Variants in ADARB1 observed in about 807,000 individuals in gnomAD.
The protein encoded by ADARB1 is double-stranded RNA-specific editase 1.
Under a neutral mutation model 52.4 loss-of-function variants are expected in ADARB1, and 10 were observed. The ratio of observed to expected loss-of-function variants is 0.19; its 90% confidence interval spans 0.12 to 0.32. The LOEUF is 0.32. Among genes scored for constraint, ADARB1 ranks in the 10% least tolerant of loss-of-function variants. ADARB1 has a pLI of 1.00. For missense variants in ADARB1, 643 were observed against 922.3 expected (o/e 0.70, Z 3.92); for synonymous variants, 349 against 371.1 (o/e 0.94, Z 0.68).
rs78188190 is a variant in ADARB1, at chr21:45,200,042, G to C, written c.1566-4513G>C. On this transcript the variant is annotated intron_variant, in intron 8 of 10. Coordinates refer to ENST00000348831, the MANE Select transcript of ADARB1 (RefSeq NM_001112.4). This position sits in a 1 kb window ranked among gnomAD's most constrained non-coding sequence, Gnocchi z 5.0. Reference sequence around the variant, plus strand: ...TAGCAAATGGCCAGAAAAGTTGCCCGGAAAGAGCCCTGGTGGCCAAAATGA... The same window carrying C: ...TAGCAAATGGCCAGAAAAGTTGCCCCGAAAGAGCCCTGGTGGCCAAAATGA... Among the ~76,000 whole-genome samples the C allele has an allele frequency of 5.1e-3, 782 of 152,334 alleles. 4 individuals carry two copies. The highest frequency in any genetic ancestry group is 7.9e-3 in the Non-Finnish European group (538 of 68,024).
intron 1 of ADARB1, among the ~76,000 whole-genome samples, chr21:45,098,950 A>G: frequency 6.6e-6 from 1 of 152,188 alleles, no homozygotes; most frequent in East Asian, 1.9e-4. Flanking sequence ...TTCTAGGTTT[A>G]TAAGGCCAGA....
Position 45,121,278 on chromosome 21 carries a change from GTTC to G in ADARB1, c.-219-7119_-219-7117del, listed in dbSNP as rs34845167. 3.1e-3 allele frequency among the ~76,000 whole-genome samples: 473 copies of G among 152,304 alleles called. 3 individuals are homozygous for G. Among genetic ancestry groups the G allele is most frequent in the Middle Eastern group, 0.014 (4 of 294 alleles). ...CATATTCTTTCTCTACAAGAGCACAGTTCTTCTGGAATGTGTCCCTTAGGATTA... is the reference window on the plus strand; with the variant it reads ...CATATTCTTTCTCTACAAGAGCACAGTTCTGGAATGTGTCCCTTAGGATTA... On this transcript the variant is annotated intron_variant, in intron 1 of 10. Coordinates refer to ENST00000348831, the MANE Select transcript of ADARB1 (RefSeq NM_001112.4).
intron 9 of ADARB1, among the ~76,000 whole-genome samples, chr21:45,216,783 T>C (rs1026259292): frequency 2.0e-4 from 30 of 151,944 alleles, no homozygotes; most frequent in Non-Finnish European, 1.0e-4. Context: ...GGTCTATCAG[T>C]TATTGAGAGG....
At position 45,152,617 on chromosome 21, in the gene ADARB1, G is replaced by A. The variant is rs762985885; in HGVS notation, c.-47-18993G>A. ...GGCATTGGCGTGTCTGCATGGCGTC[G>A]TCCACCACTGGGCCTTTGCACATGG... On this transcript the variant is annotated intron_variant, in intron 2 of 10. Coordinates refer to ENST00000348831, the MANE Select transcript of ADARB1 (RefSeq NM_001112.4). 5.3e-5 allele frequency: 23 copies of A among 436,080 alleles called. No individual in the cohort carries two copies. The East Asian group carries it at 8.4e-4, about 16-fold the overall frequency. The allele number at this position is 436,080 out of a possible 1,614,324, so 27.0% of individuals were successfully genotyped here. A position where few individuals can be genotyped will look rare whatever the true frequency, so the allele number is the denominator to read the frequency against.
chr21:45,157,838 A>G lies in ADARB1; in HGVS notation c.-47-13772A>G, dbSNP rs1050268456. Among the ~76,000 whole-genome samples the G allele has an allele frequency of 3.3e-5, 5 of 152,172 alleles. No individual in the cohort carries two copies. Among genetic ancestry groups the G allele is most frequent in the Admixed American group, 6.5e-5 (1 of 15,278 alleles). Reference sequence around the variant, plus strand: ...TTCCATCCTTAAGCTCTGTTCTCTAACAGAAGTCACCCTGGCAGTTGCTTC... The same window carrying G: ...TTCCATCCTTAAGCTCTGTTCTCTAGCAGAAGTCACCCTGGCAGTTGCTTC... On this transcript the variant is annotated intron_variant, in intron 2 of 10. Coordinates refer to ENST00000348831, the MANE Select transcript of ADARB1 (RefSeq NM_001112.4). This position sits in a 1 kb window ranked among gnomAD's most constrained non-coding sequence, Gnocchi z 4.1.
At chr21:45,107,479 A>G (rs1485286876) in intron 1 of ADARB1, among the ~76,000 whole-genome samples, 1 of 152,206 alleles carries the variant, frequency 6.6e-6, no homozygotes, top group Admixed American at 6.5e-5. Context: ...GGCTATATGG[A>G]AAATAGTGTG....
At position 45,142,689 on chromosome 21, in the gene ADARB1, T is replaced by A. The variant is rs1233292837; in HGVS notation, c.-48+14116T>A. Among the ~76,000 whole-genome samples the A allele has an allele frequency of 6.6e-6, 1 of 152,172 alleles. No individual in the cohort carries two copies. The highest frequency in any genetic ancestry group is 6.5e-5 in the Admixed American group (1 of 15,286). On this transcript the variant is annotated intron_variant, in intron 2 of 10. Transcript: ENST00000348831. The surrounding 1 kb of genome is among the most constrained non-coding windows in gnomAD (Gnocchi z 4.0). ...TCCCCATGAGGTGGTGGGAGCCGTG[T>A]GGGATCTGCCTACTGGGTGTGCAGC...
chr21:45,138,517 G>C (rs1423724868), intron 2 of ADARB1, among the ~76,000 whole-genome samples: 1 of 152,206 alleles, frequency 6.6e-6, no homozygotes, highest in Non-Finnish European at 1.5e-5. Flanking sequence ...CTGAGAAGGA[G>C]CAGGCCGTGG....
chr21:45,213,815 T>C (rs1223074774), intron 9 of ADARB1, among the ~76,000 whole-genome samples: 1 of 152,242 alleles, frequency 6.6e-6, no homozygotes, highest in Non-Finnish European at 1.5e-5. Context: ...GATATTTAGG[T>C]TGTCTCCAGT....
At chr21:45,096,465 A>G (rs1176169550) in intron 1 of ADARB1, among the ~76,000 whole-genome samples, 1 of 152,100 alleles carries the variant, frequency 6.6e-6, no homozygotes, top group Admixed American at 6.5e-5. Flanking sequence ...CTGTGTCCTC[A>G]ACACTGCCCT....
chr21:45,162,270 T>G (rs1447198074), intron 2 of ADARB1, among the ~76,000 whole-genome samples: 1 of 152,174 alleles, frequency 6.6e-6, no homozygotes, highest in Non-Finnish European at 1.5e-5. Context: ...GGAAGCTGTG[T>G]GTGGTATGCC....
intron 1 of ADARB1, among the ~76,000 whole-genome samples, chr21:45,089,396 G>C (rs773049027): frequency 6.6e-6 from 1 of 152,104 alleles, no homozygotes; most frequent in Non-Finnish European, 1.5e-5. Context: ...CCCTGTCTCT[G>C]TTTCTTCCCA....
intron 9 of ADARB1, among the ~76,000 whole-genome samples, chr21:45,218,958 A>C (rs76796956): frequency 6.6e-6 from 1 of 152,210 alleles, no homozygotes; most frequent in South Asian, 2.1e-4. Flanking sequence ...TGAATTATCA[A>C]GCTCAATATA....
At chr21:45,134,346 T>C (rs951673338) in intron 2 of ADARB1, among the ~76,000 whole-genome samples, 5 of 142,410 alleles carry the variant, frequency 3.5e-5, no homozygotes, top group Admixed American at 1.4e-4. Flanking sequence ...CAGTGGTGTG[T>C]GCGCCCGACG....
intron 1 of ADARB1, among the ~76,000 whole-genome samples, chr21:45,099,346 G>A (rs1241459034): frequency 2.6e-5 from 4 of 152,154 alleles, no homozygotes; most frequent in African/African-American, 9.7e-5. Context: ...TCTTCGGATT[G>A]CTCTGCAAGC....
intron 1 of ADARB1, among the ~76,000 whole-genome samples, chr21:45,094,718 C>T (rs530138436): frequency 5.3e-5 from 8 of 152,096 alleles, no homozygotes; most frequent in Non-Finnish European, 1.0e-4. Flanking sequence ...TCCAACCTCT[C>T]GCATCATGTT....
chr21:45,163,596 G>A (rs1004529500), intron 2 of ADARB1, among the ~76,000 whole-genome samples: 3 of 152,340 alleles, frequency 2.0e-5, no homozygotes, highest in East Asian at 1.9e-4. Context: ...CACTGGGGAC[G>A]CTGACTCTGG....
rs991530538 is a variant in ADARB1, at chr21:45,208,749, C to A, written c.1747+4013C>A. Among the ~76,000 whole-genome samples, 2 of 151,612 alleles carry A rather than the reference C, an allele frequency of 1.3e-5. No individual in the cohort carries two copies. Among genetic ancestry groups the A allele is most frequent in the Non-Finnish European group, 2.9e-5 (2 of 67,916 alleles). On this transcript the variant is annotated intron_variant, in intron 9 of 10. Transcript: ENST00000348831. This position sits in a 1 kb window ranked among gnomAD's most constrained non-coding sequence, Gnocchi z 5.6. ...GAGAGAGTGTGTGTGTGTGTGTATGCGTATTCTCCAGGTAAGAGCAGGCAC... is the reference window on the plus strand; with the variant it reads ...GAGAGAGTGTGTGTGTGTGTGTATGAGTATTCTCCAGGTAAGAGCAGGCAC...
At chr21:45,190,263 A>G (rs1408602603) in intron 8 of ADARB1, among the ~76,000 whole-genome samples, 1 of 151,704 alleles carries the variant, frequency 6.6e-6, no homozygotes, top group Non-Finnish European at 1.5e-5. Context: ...CAGTTATTGT[A>G]TTTTTCAGCT....
Sources: gnomAD v4.1 joint callset for allele counts (sites outside exome capture counted in the v4.1 genomes callset) on GRCh38, gnomAD v4.1.1 for gene constraint, Gnocchi (gnomAD v3.1) non-coding constraint, MANE v1.5 for transcripts, NCBI Gene and HGNC (gene_info 2026-07-23, HGNC 2026-07-21) for gene names.